HEMK2: variants seen among roughly 807,000 people sequenced by gnomAD.
The protein encoded by HEMK2 is methyltransferase HEMK2.
the HEMK2 span, chr21:28,873,124 A>G: frequency 6.6e-6 from 1 of 152,268 alleles, no homozygotes; most frequent in African/African-American, 2.4e-5. Flanking sequence ...TTAACAATCC[A>G]GCATTCCACC....
the HEMK2 span, among the ~76,000 whole-genome samples, chr21:28,587,264 G>A: frequency 6.6e-6 from 1 of 151,578 alleles, no homozygotes; most frequent in African/African-American, 2.4e-5. Flanking sequence ...CAAGCTTGAT[G>A]TTTCCCTTGG....
At chr21:28,771,522 C>CCCCCG in the HEMK2 span, among the ~76,000 whole-genome samples, 14,151 of 119,152 alleles carry the variant, frequency 0.12, 1,146 homozygotes, top group African/African-American at 0.18. Flanking sequence ...TGCACCACCC[C>CCCCCG]CCCCCGCCAA....
At chr21:28,845,935 CA>C in the HEMK2 span, among the ~76,000 whole-genome samples, 8 of 152,070 alleles carry the variant, frequency 5.3e-5, no homozygotes, top group Non-Finnish European at 1.2e-4. Flanking sequence ...TTTTAGAATC[CA>C]AACCCTCGTC....
At chr21:28,751,774 G>T in the HEMK2 span, among the ~76,000 whole-genome samples, 1 of 152,156 alleles carries the variant, frequency 6.6e-6, no homozygotes, top group African/African-American at 2.4e-5. Context: ...CTGCCTCCTG[G>T]GTTCAAACGA....
At chr21:28,646,808 G>C in the HEMK2 span, among the ~76,000 whole-genome samples, 1 of 152,192 alleles carries the variant, frequency 6.6e-6, no homozygotes, top group Non-Finnish European at 1.5e-5. Context: ...GCTTCCAACA[G>C]CATTGGTTGG....
chr21:28,882,233 G>C, the HEMK2 span: 2 of 1,611,144 alleles, frequency 1.2e-6, no homozygotes, highest in Non-Finnish European at 1.7e-6. Context: ...TGCTGCCTCA[G>C]GGTTGATATC....
At chr21:28,706,671 C>T in the HEMK2 span, among the ~76,000 whole-genome samples, 1 of 152,086 alleles carries the variant, frequency 6.6e-6, no homozygotes, top group South Asian at 2.1e-4. Flanking sequence ...CCTTCATGAA[C>T]GTTATCACTG....
At chr21:28,665,121 TA>T in the HEMK2 span, among the ~76,000 whole-genome samples, 287 of 138,700 alleles carry the variant, frequency 2.1e-3, no homozygotes, top group South Asian at 4.1e-3. Context: ...CTACTAAACA[TA>T]AAAAAAAAAA....
At chr21:28,823,041 T>G in the HEMK2 span, among the ~76,000 whole-genome samples, 3 of 152,058 alleles carry the variant, frequency 2.0e-5, no homozygotes, top group Non-Finnish European at 4.4e-5. Flanking sequence ...AAAAGTCAAC[T>G]TAAAAAAAAG....
At chr21:28,635,047 A>C in the HEMK2 span, among the ~76,000 whole-genome samples, 1 of 152,156 alleles carries the variant, frequency 6.6e-6, no homozygotes, top group Admixed American at 6.5e-5. Flanking sequence ...AAAAGTCAGC[A>C]AAGTTCAAAA....
At chr21:28,804,783 C>T in the HEMK2 span, among the ~76,000 whole-genome samples, 1 of 152,314 alleles carries the variant, frequency 6.6e-6, no homozygotes, top group East Asian at 1.9e-4. Context: ...GGCATGTGCA[C>T]ATTTCTTTCA....
At chr21:28,590,171 T>G in the HEMK2 span, among the ~76,000 whole-genome samples, 1 of 152,240 alleles carries the variant, frequency 6.6e-6, no homozygotes, top group Non-Finnish European at 1.5e-5. Context: ...ATAAAGATAT[T>G]GTTGAAATGT....
At chr21:28,828,409 T>C in the HEMK2 span, among the ~76,000 whole-genome samples, 13 of 152,196 alleles carry the variant, frequency 8.5e-5, no homozygotes, top group Non-Finnish European at 1.3e-4. Flanking sequence ...TAATGCTTCA[T>C]GTGCCAACAA....
chr21:28,675,369 C>A, the HEMK2 span, among the ~76,000 whole-genome samples: 1 of 152,166 alleles, frequency 6.6e-6, no homozygotes, highest in Non-Finnish European at 1.5e-5. Flanking sequence ...CAGAGCACAG[C>A]CTGACTCATC....
chr21:28,771,489 G>A, the HEMK2 span, among the ~76,000 whole-genome samples: 2 of 142,208 alleles, frequency 1.4e-5, no homozygotes, highest in African/African-American at 5.3e-5. Context: ...GGGGTGCCGT[G>A]AAAAATTCCA....
At chr21:28,877,082 G>A in the HEMK2 span, among the ~76,000 whole-genome samples, 4 of 104,502 alleles carry the variant, frequency 3.8e-5, no homozygotes, top group Admixed American at 1.0e-4. Flanking sequence ...GAAGGGAAGG[G>A]AAGGGAGGGA....
chr21:28,779,373 G>T, the HEMK2 span, among the ~76,000 whole-genome samples: 1 of 152,306 alleles, frequency 6.6e-6, no homozygotes, highest in East Asian at 1.9e-4. Flanking sequence ...AATAGAAAGA[G>T]TAATACTGTA....
chr21:28,773,879 T>C, the HEMK2 span, among the ~76,000 whole-genome samples: 1 of 152,164 alleles, frequency 6.6e-6, no homozygotes, highest in Admixed American at 6.5e-5. Flanking sequence ...CTGCAATCTG[T>C]GGCTTGAATT....
At chr21:28,637,416 A>G in the HEMK2 span, among the ~76,000 whole-genome samples, 8 of 152,078 alleles carry the variant, frequency 5.3e-5, no homozygotes, top group Non-Finnish European at 1.0e-4. Context: ...TTTCATTGAT[A>G]TAACAGTGGG....
Sources: gnomAD v4.1 joint callset for allele counts (sites outside exome capture counted in the v4.1 genomes callset) on GRCh38, gnomAD v4.1.1 for gene constraint, MANE v1.5 for transcripts, NCBI Gene and HGNC (gene_info 2026-07-23, HGNC 2026-07-21) for gene names.